The following B4GALT1 variants were observed in gnomAD, a reference collection of about 807,000 sequenced individuals.
The protein encoded by B4GALT1 is beta-1,4-galactosyltransferase 1, also known as N-acetyllactosamine synthase.
B4GALT1 carries 16 observed loss-of-function variants against 34.9 expected under a neutral mutation model. That is an observed-to-expected ratio of 0.46 (90% CI 0.31 to 0.70). B4GALT1 has a LOEUF of 0.70. B4GALT1 is among the 30% of genes least tolerant of loss of function. The pLI is 0.05. For missense variants in B4GALT1, 445 were observed against 530.5 expected, an observed-to-expected ratio of 0.84 and a Z score of 1.58; for synonymous variants, 221 against 218.1, an observed-to-expected ratio of 1.01 and a Z score of -0.12.
chr9:33,122,536 C>T (rs948966281), intron 2 of B4GALT1, among the ~76,000 whole-genome samples: 3 of 151,480 alleles, frequency 2.0e-5, no homozygotes, highest in Non-Finnish European at 2.9e-5. Context: ...ATAAATAAAA[C>T]CAAGACCTGG....
upstream of B4GALT1, among the ~76,000 whole-genome samples, chr9:33,168,209 A>C (rs889624069): frequency 2.6e-5 from 4 of 152,230 alleles, no homozygotes; most frequent in African/African-American, 9.6e-5. Context: ...CACAGCTGGC[A>C]AGAGGCAGAA....
At chr9:33,149,929 C>T (rs1240408541) in intron 1 of B4GALT1, among the ~76,000 whole-genome samples, 3 of 152,146 alleles carry the variant, frequency 2.0e-5, no homozygotes, top group Non-Finnish European at 4.4e-5. Context: ...CAACTGAATA[C>T]AACACATGGT....
intron 1 of B4GALT1, among the ~76,000 whole-genome samples, chr9:33,159,607 A>C (rs908157625): frequency 1.3e-5 from 2 of 152,240 alleles, no homozygotes; most frequent in Admixed American, 6.5e-5. Context: ...CCAACTGAGA[A>C]CCAGGTTCTG....
At chr9:33,132,415 G>A (rs1840206437) in intron 2 of B4GALT1, among the ~76,000 whole-genome samples, 1 of 152,200 alleles carries the variant, frequency 6.6e-6, no homozygotes, top group Admixed American at 6.5e-5. Context: ...GGGTTACAGT[G>A]TACACCGGGG....
At chr9:33,130,093 G>C (rs1840172027) in intron 2 of B4GALT1, among the ~76,000 whole-genome samples, 1 of 152,262 alleles carries the variant, frequency 6.6e-6, no homozygotes, top group Non-Finnish European at 1.5e-5. Context: ...CGGAATTGGA[G>C]AGACCAGTTC....
chr9:33,178,542 C>T, the B4GALT1 span, among the ~76,000 whole-genome samples: 16 of 152,148 alleles, frequency 1.1e-4, no homozygotes, highest in Admixed American at 4.6e-4. Flanking sequence ...TCTCATGACC[C>T]GAAGTGGGTC....
chr9:33,129,179 G>A (rs535909615), intron 2 of B4GALT1, among the ~76,000 whole-genome samples: 1 of 152,132 alleles, frequency 6.6e-6, no homozygotes, highest in Admixed American at 6.5e-5. Context: ...GCCTTACTCT[G>A]GGGGATGGGG....
At chr9:33,132,789 C>T (rs755829300) in intron 2 of B4GALT1, among the ~76,000 whole-genome samples, 7 of 152,224 alleles carry the variant, frequency 4.6e-5, no homozygotes, top group South Asian at 4.1e-4. Context: ...CATATCTAGA[C>T]GTAGCATCCC....
At chr9:33,104,970 C>T (rs1375711837) in intron 2 of B4GALT1, among the ~76,000 whole-genome samples, 1 of 151,980 alleles carries the variant, frequency 6.6e-6, no homozygotes, top group Admixed American at 6.6e-5. Context: ...CAGGCATGTG[C>T]CACCACGCCC....
At chr9:33,126,467 A>G (rs1399943554) in intron 2 of B4GALT1, among the ~76,000 whole-genome samples, 1 of 152,040 alleles carries the variant, frequency 6.6e-6, no homozygotes, top group Non-Finnish European at 1.5e-5. Context: ...TGCAGGGGAG[A>G]CAGGGTCTCG....
chr9:33,174,182 T>C, the B4GALT1 span: 1 of 152,902 alleles, frequency 6.5e-6, no homozygotes, highest in African/African-American at 2.4e-5. Flanking sequence ...CATCCTTTTC[T>C]TGGGGTTGCA....
chr9:33,135,111 C>A, intron 2 of B4GALT1, 78 bp downstream of exon 2: 7 of 1,406,434 alleles, frequency 5.0e-6, no homozygotes, highest in Non-Finnish European at 6.9e-6. Context: ...TCCCCTTCCC[C>A]TGCCCTCATT....
At chr9:33,122,738 C>T (rs1304924511) in intron 2 of B4GALT1, among the ~76,000 whole-genome samples, 2 of 152,152 alleles carry the variant, frequency 1.3e-5, no homozygotes, top group Admixed American at 6.5e-5. Flanking sequence ...TCTAACCCCG[C>T]GTGGTGAGTG....
intron 1 of B4GALT1, among the ~76,000 whole-genome samples, chr9:33,143,214 G>A (rs1840378653): frequency 6.6e-6 from 1 of 152,162 alleles, no homozygotes; most frequent in East Asian, 1.9e-4. Flanking sequence ...CAGACCGTAG[G>A]TGGCCAAGTG....
Position 33,166,910 on chromosome 9 carries a change from G to A in B4GALT1, c.260C>T (p.Pro87Leu). 6.3e-7 allele frequency: 1 copy of A among 1,576,382 alleles called. No individual in the cohort carries two copies. The highest frequency in any genetic ancestry group is 2.3e-5 in the East Asian group (1 of 43,900). ...LRTGGARPPP[P>L]LGASSQPRPG... ...GCGCGGCTGGGAGGAGGCGCCTAGA[G>A]GAGGCGGCGGCCGGGCCCCTCCGGT... is the stretch of plus-strand genomic sequence containing the variant. The change falls in exon 1 of 6, where the codon CCT becomes CTT. Residue 87 changes from proline (P) to leucine (L), a missense_variant. Coordinates refer to ENST00000379731, the MANE Select transcript of B4GALT1 (RefSeq NM_001497.4).
In B4GALT1 at chr9:33,113,396, G is replaced by A; in HGVS notation, c.*58C>T. 2 of 1,613,056 alleles carry A rather than the reference G, an allele frequency of 1.2e-6. No homozygotes were observed. Among genetic ancestry groups the A allele is most frequent in the Non-Finnish European group, 1.7e-6 (2 of 1,179,390 alleles). ...GAGGGACCAGCCCAGCAGATTGGCA[G>A]AGACACACAGCAGAGGTCCCTGGCT... On this transcript the variant is annotated 3_prime_UTR_variant, in exon 6 of 6. Transcript: ENST00000379731.
the B4GALT1 span, among the ~76,000 whole-genome samples, chr9:33,175,765 A>T: frequency 0.092 from 13,976 of 152,252 alleles, 681 homozygotes; most frequent in Middle Eastern, 0.11. Flanking sequence ...CATATAACCT[A>T]GATGTGTAGT....
At chr9:33,110,521 A>G (rs891100798), downstream of B4GALT1, 1 of 152,202 alleles carries the variant, frequency 6.6e-6, no homozygotes, top group Admixed American at 6.5e-5. Context: ...AGATGGGGAA[A>G]TGTCTGATTC....
downstream of B4GALT1, among the ~76,000 whole-genome samples, chr9:33,106,600 C>T (rs750591): frequency 0.21 from 31,775 of 152,074 alleles, 3,520 homozygotes; most frequent in African/African-American, 0.27. Context: ...ATGTCTCCAA[C>T]GCCATGCCAG....
Sources: gnomAD v4.1 joint callset for allele counts (sites outside exome capture counted in the v4.1 genomes callset) on GRCh38, gnomAD v4.1.1 for gene constraint, MANE v1.5 for transcripts, NCBI Gene and HGNC (gene_info 2026-07-23, HGNC 2026-07-21) for gene names.